Variants in ZMYND19 observed in about 807,000 individuals in gnomAD.
ZMYND19 encodes the protein zinc finger MYND-type containing 19, also known as zinc finger MYND domain-containing protein 19.
Under a neutral mutation model 32.0 loss-of-function variants are expected in ZMYND19, and 17 were observed. That is an observed-to-expected ratio of 0.53 (90% CI 0.36 to 0.80). The LOEUF (loss-of-function observed/expected upper bound fraction) is 0.80, where lower values mean the gene tolerates loss of function less well. ZMYND19 is among the 30% of genes least tolerant of loss of function. ZMYND19 has a pLI of 0.00. For synonymous variants in ZMYND19, 124 were observed against 113.6 expected, an observed-to-expected ratio of 1.09 and a Z score of -0.58; for missense variants, 250 against 293.6, an observed-to-expected ratio of 0.85 and a Z score of 1.09.
intron 4 of ZMYND19, among the ~76,000 whole-genome samples, chr9:137,584,852 G>C (rs981673548): frequency 3.9e-5 from 6 of 152,192 alleles, no homozygotes; most frequent in South Asian, 4.1e-4. Context: ...AGCCGGGAGT[G>C]GGGGCGCAGA....
chr9:137,585,855 C>A (rs1842198343), intron 4 of ZMYND19, among the ~76,000 whole-genome samples: 1 of 152,260 alleles, frequency 6.6e-6, no homozygotes, highest in African/African-American at 2.4e-5. Context: ...ACCAGCGTTG[C>A]TGACAACCAT....
At position 137,583,147 on chromosome 9, in the gene ZMYND19, A is replaced by C; in HGVS notation, c.376T>G (p.Trp126Gly). 1 of 1,614,072 alleles carries C rather than the reference A, an allele frequency of 6.2e-7. No individual in the cohort carries two copies. Among genetic ancestry groups the C allele is most frequent in the Non-Finnish European group, 8.5e-7 (1 of 1,179,978 alleles). ...SSKQREQSLY[W>G]LAIQQLPTDP... ...GTAGGCAGCTGCTGAATTGCAAGCCAATACAAGCTTTGCTCCCTTAAAGAA... is the reference window on the plus strand; with the variant it reads ...GTAGGCAGCTGCTGAATTGCAAGCCCATACAAGCTTTGCTCCCTTAAAGAA... The change falls in exon 5 of 6, where the codon TGG becomes GGG. Residue 126 changes from tryptophan to glycine, a missense_variant. Physicochemically the swap from Trp to Gly is radical, Grantham distance 184. Transcript: ENST00000298585.
rs556239188 is a variant in ZMYND19, at chr9:137,587,338, G to A, written c.219-231C>T. On this transcript the variant is annotated intron_variant, in intron 3 of 5. Transcript: ENST00000298585. ...GGGACACAGGGAGGACCCGGCCCCTGGACTTCAGAGCACAGACAGCCAAAG... is the reference window on the plus strand; with the variant it reads ...GGGACACAGGGAGGACCCGGCCCCTAGACTTCAGAGCACAGACAGCCAAAG... 6 of 684,150 alleles carry A rather than the reference G, an allele frequency of 8.8e-6. No individual in the cohort carries two copies. In the South Asian group the frequency reaches 9.9e-5, roughly 11 times the overall value. 42.4% of individuals were successfully genotyped at this position (684,150 alleles called of 1,614,324 possible). A position where few individuals can be genotyped will look rare whatever the true frequency, so the allele number is the denominator to read the frequency against.
chr9:137,588,768 G>A (rs750288130), intron 1 of ZMYND19, 50 bp from the exon 2 acceptor site: 3 of 1,607,146 alleles, frequency 1.9e-6, no homozygotes, highest in South Asian at 1.1e-5. Flanking sequence ...ATCTGCGTGA[G>A]GTGCAGTAAC....
intron 4 of ZMYND19, among the ~76,000 whole-genome samples, chr9:137,584,598 G>A (rs188463284): frequency 6.6e-6 from 1 of 152,362 alleles, no homozygotes; most frequent in Non-Finnish European, 1.5e-5. Flanking sequence ...GCGGAGTTGG[G>A]AAGGGCCCAT....
Position 137,583,174 on chromosome 9 carries a change from G to A in ZMYND19, c.360-11C>T. On this transcript the variant is annotated splice_polypyrimidine_tract_variant and intron_variant, in intron 4 of 5. Transcript: ENST00000298585. ...TACAAGCTTTGCTCCCTTAAAGAAA[G>A]AAGCAGACACTTGAGTGCACTCTGG... is the stretch of plus-strand genomic sequence containing the variant. 6.2e-7 allele frequency: 1 copy of A among 1,612,976 alleles called. No homozygotes were observed. Among genetic ancestry groups the A allele is most frequent in the Non-Finnish European group, 8.5e-7 (1 of 1,179,372 alleles).
At chr9:137,588,865 C>T in intron 1 of ZMYND19, 147 bp from the exon 2 acceptor site, 1 of 804,338 alleles carries the variant, frequency 1.2e-6, no homozygotes, top group Non-Finnish European at 2.0e-6. Flanking sequence ...GACAGCTCAG[C>T]ACATGGGGGC....
At chr9:137,588,764 G>C (rs767060053) in intron 1 of ZMYND19, 46 bp from the exon 2 acceptor site, 1 of 1,607,434 alleles carries the variant, frequency 6.2e-7, no homozygotes, top group Non-Finnish European at 8.5e-7. Flanking sequence ...TGGGATCTGC[G>C]TGAGGTGCAG....
chr9:137,587,566 G>A, intron 3 of ZMYND19, 151 bp downstream of exon 3: 1 of 702,282 alleles, frequency 1.4e-6, no homozygotes, highest in Non-Finnish European at 2.5e-6. Flanking sequence ...TCGTTCCTTT[G>A]GGTTAGTGGT....
rs1286450784 is a variant in ZMYND19 at position 137,582,564 on chromosome 9, A to G, written c.663T>C (p.His221=). Reference sequence around the variant, plus strand: ...CCCGTCATCGCTCTGGCTCAAGCTCATGCTGGAAGGGACGCTTCCTCTCCC... The same window carrying G: ...CCCGTCATCGCTCTGGCTCAAGCTCGTGCTGGAAGGGACGCTTCCTCTCCC... ...HCRERKRPFQ[H]ELEPER The change falls in exon 6 of 6, where the codon CAT becomes CAC. Residue 221 remains histidine (H), a synonymous_variant. Transcript: ENST00000298585. 1.2e-6 allele frequency: 2 copies of G among 1,612,920 alleles called. No individual in the cohort carries two copies. Among genetic ancestry groups the G allele is most frequent in the African/African-American group, 2.7e-5 (2 of 74,922 alleles).
chr9:137,587,369 A>G lies in ZMYND19; in HGVS notation c.219-262T>C, dbSNP rs1159158016. The G allele has an allele frequency of 4.9e-6, 3 of 613,040 alleles. No homozygotes were observed. In the East Asian group the frequency reaches 8.4e-5, roughly 17 times the overall value. The allele number at this position is 613,040 out of a possible 1,614,324, so 38.0% of individuals were successfully genotyped here. On this transcript the variant is annotated intron_variant, in intron 3 of 5. Transcript: ENST00000298585. Reference sequence around the variant, plus strand: ...CAGAGCACAGACAGCCAAAGCTGGAACGCAAAACCACCTAAGCAGATGGCC... The same window carrying G: ...CAGAGCACAGACAGCCAAAGCTGGAGCGCAAAACCACCTAAGCAGATGGCC...
intron 1 of ZMYND19, 115 bp from the exon 2 acceptor site, chr9:137,588,833 A>G: frequency 3.3e-6 from 4 of 1,199,896 alleles, no homozygotes; most frequent in Admixed American, 1.8e-5. Context: ...GTGGAAAGTA[A>G]CTACAGGCCT....
chr9:137,588,648 T>C lies in ZMYND19; in HGVS notation c.111+11A>G, dbSNP rs757181556. ...CGAGCATCAGGGGAGGGAACAGCCA[T>C]CCTTACTTACCTCAAAGGAGTAGCT... On this transcript the variant is annotated intron_variant, in intron 2 of 5. Coordinates refer to ENST00000298585, the MANE Select transcript of ZMYND19 (RefSeq NM_138462.3). 5 of 1,614,018 alleles carry C rather than the reference T, an allele frequency of 3.1e-6. No homozygotes were observed. The highest frequency in any genetic ancestry group is 1.7e-5 in the Admixed American group (1 of 60,010).
intron 1 of ZMYND19, chr9:137,589,943 G>T (rs1365607888): frequency 1.0e-6 from 1 of 985,256 alleles, no homozygotes; most frequent in Non-Finnish European, 1.2e-6. Context: ...CCCGGCTCGG[G>T]ACAGGGCCGT....
In ZMYND19 at chr9:137,587,739, T is replaced by G. The variant is rs763210750; in HGVS notation, c.196A>C (p.Arg66=). 1 of 1,614,090 alleles carries G rather than the reference T, an allele frequency of 6.2e-7. No individual in the cohort carries two copies. Among genetic ancestry groups the G allele is most frequent in the Middle Eastern group, 1.6e-4 (1 of 6,062 alleles). Residue 66 remains arginine (R), a synonymous_variant, in exon 3 of 6, where the codon AGA becomes CGA. Coordinates refer to ENST00000298585, the MANE Select transcript of ZMYND19 (RefSeq NM_138462.3). ...FDKNRGRGSG[R]LLHELLWERH... ...CACCACAGCAGCTCATGAAGGAGTCTCCCAGAGCCCCTTCCTCGGTTCTTG... is the reference window on the plus strand; with the variant it reads ...CACCACAGCAGCTCATGAAGGAGTCGCCCAGAGCCCCTTCCTCGGTTCTTG...
Position 137,590,136 on chromosome 9 carries a change from C to T in ZMYND19, c.51+77G>A, listed in dbSNP as rs1842255932. The T allele has an allele frequency of 5.1e-6, 5 of 985,742 alleles. No individual in the cohort carries two copies. Among genetic ancestry groups the T allele is most frequent in the African/African-American group, 3.5e-5 (2 of 56,536 alleles). 61.1% of individuals were successfully genotyped at this position (985,742 alleles called of 1,614,324 possible). On this transcript the variant is annotated intron_variant, in intron 1 of 5. Transcript: ENST00000298585. This position sits in a 1 kb window ranked among gnomAD's most constrained non-coding sequence, Gnocchi z 4.2. ...TCCGCGCCCCCGCCCCGGCCGCCGC[C>T]CGCACAACCGCCCCCGGCCCCGCGC...
rs1377604567 is a variant in ZMYND19, at chr9:137,590,130, C to T, written c.51+83G>A. The T allele has an allele frequency of 1.0e-6, 1 of 968,988 alleles. No homozygotes were observed. The highest frequency in any genetic ancestry group is 2.1e-5 in the African/African-American group (1 of 48,234). 60.0% of individuals were successfully genotyped at this position (968,988 alleles called of 1,614,324 possible). ...CCGGGCTCCGCGCCCCCGCCCCGGCCGCCGCCCGCACAACCGCCCCCGGCC... is the reference window on the plus strand; with the variant it reads ...CCGGGCTCCGCGCCCCCGCCCCGGCTGCCGCCCGCACAACCGCCCCCGGCC... On this transcript the variant is annotated intron_variant, in intron 1 of 5. Transcript: ENST00000298585. The surrounding 1 kb of genome is among the most constrained non-coding windows in gnomAD (Gnocchi z 4.2).
chr9:137,585,505 C>T (rs1343984237), intron 4 of ZMYND19, among the ~76,000 whole-genome samples: 6 of 151,620 alleles, frequency 4.0e-5, no homozygotes, highest in South Asian at 2.1e-4. Flanking sequence ...GAGACCCATC[C>T]GTAAAATTAA....
At chr9:137,583,290 G>T in intron 4 of ZMYND19, 127 bp from the exon 5 acceptor site, 1 of 979,818 alleles carries the variant, frequency 1.0e-6, no homozygotes, top group Non-Finnish European at 1.5e-6. Context: ...AGTCTCCTTT[G>T]GCCCATCCCT....
Sources: allele counts gnomAD v4.1 joint callset (sites outside exome capture counted in the v4.1 genomes callset), GRCh38; gene constraint gnomAD v4.1.1; non-coding constraint Gnocchi (gnomAD v3.1); transcripts MANE v1.5; gene names NCBI Gene and HGNC (gene_info 2026-07-23, HGNC 2026-07-21).